The following LAMC2 variants were observed in gnomAD, a reference collection of about 807,000 sequenced individuals.
LAMC2 encodes laminin subunit gamma-2.
LAMC2 carries 97 observed loss-of-function variants against 140.2 expected under a neutral mutation model. That is an observed-to-expected ratio of 0.69 (90% CI 0.59 to 0.82). The LOEUF (loss-of-function observed/expected upper bound fraction) is 0.82. Among genes scored for constraint, LAMC2 ranks in the 40% least tolerant of loss-of-function variants. The pLI is 0.00. For synonymous variants in LAMC2, 513 were observed against 540.2 expected, an observed-to-expected ratio of 0.95 and a Z score of 0.70; for missense variants, 1,402 against 1,476.1, an observed-to-expected ratio of 0.95 and a Z score of 0.82.
chr1:183,219,337 A>G (rs73049769), intron 4 of LAMC2, among the ~76,000 whole-genome samples: 39,092 of 152,114 alleles, frequency 0.26, 5,808 homozygotes, highest in African/African-American at 0.39. Flanking sequence ...AGTGTTAAAA[A>G]GGAAGTCACT....
At position 183,232,232 on chromosome 1, in the gene LAMC2, T is replaced by G. The variant is rs746706900; in HGVS notation, c.1903T>G (p.Ser635Ala). The G allele has an allele frequency of 7.4e-6, 12 of 1,613,882 alleles. No individual in the cohort carries two copies. The highest frequency in any genetic ancestry group is 1.3e-5 in the African/African-American group (1 of 74,908). Residue 635 changes from serine (S) to alanine (A), a missense_variant, in exon 13 of 23, where the codon TCA becomes GCA. Physicochemically the swap from Ser to Ala is moderately conservative, Grantham distance 99. Coordinates refer to ENST00000264144, the MANE Select transcript of LAMC2 (RefSeq NM_005562.3). The stretch of plus-strand genomic sequence containing the variant: ...GCTTCAGAGAATGGAGGCCCTGATT[T>G]CAAAGGCTCAGGGTGGTGATGGAGT... Reference protein sequence around the residue: ...QQLQRMEALISKAQGGDGVVP... With the variant: ...QQLQRMEALIAKAQGGDGVVP...
intron 1 of LAMC2, among the ~76,000 whole-genome samples, chr1:183,191,733 C>T (rs1426601309): frequency 6.6e-6 from 1 of 152,056 alleles, no homozygotes; most frequent in Non-Finnish European, 1.5e-5. Context: ...GTGGCATGTG[C>T]CTATAATCCC....
intron 3 of LAMC2, among the ~76,000 whole-genome samples, chr1:183,218,103 G>T (rs1025067338): frequency 6.6e-6 from 1 of 152,206 alleles, no homozygotes; most frequent in African/African-American, 2.4e-5. Flanking sequence ...ACAGTTGAGT[G>T]ATGAACTTGG....
intron 1 of LAMC2, among the ~76,000 whole-genome samples, chr1:183,202,000 G>A (rs1037231119): frequency 6.6e-6 from 1 of 151,936 alleles, no homozygotes; most frequent in African/African-American, 2.4e-5. Flanking sequence ...TCACAACATG[G>A]AACTCCCTGA....
At chr1:183,258,726 T>C in the LAMC2 span, among the ~76,000 whole-genome samples, 1 of 152,126 alleles carries the variant, frequency 6.6e-6, no homozygotes, top group Non-Finnish European at 1.5e-5. Flanking sequence ...TTGTAGACCC[T>C]GCACTTGATG....
At position 183,239,756 on chromosome 1, in the gene LAMC2, G is replaced by A. The variant is rs1443908498; in HGVS notation, c.3069+193G>A. 1.1e-5 allele frequency: 7 copies of A among 647,202 alleles called. No individual in the cohort carries two copies. The Admixed American group carries it at 1.5e-4, about 13-fold the overall frequency. 40.1% of individuals were successfully genotyped at this position (647,202 alleles called of 1,614,324 possible). A position where few individuals can be genotyped will look rare whatever the true frequency, so the allele number is the denominator to read the frequency against. On this transcript the variant is annotated intron_variant, in intron 20 of 22. Coordinates refer to ENST00000264144, the MANE Select transcript of LAMC2 (RefSeq NM_005562.3). The stretch of plus-strand genomic sequence containing the variant: ...AATGATGTGTTTTTTTGTCCTCCGG[G>A]TTTTCCCAAATGGTTCCTAACTCTG...
At chr1:183,192,172 T>C (rs1189137501) in intron 1 of LAMC2, among the ~76,000 whole-genome samples, 1 of 152,214 alleles carries the variant, frequency 6.6e-6, no homozygotes, top group Non-Finnish European at 1.5e-5. Context: ...GTCTTTCCCT[T>C]CTGTTGTATC....
intron 10 of LAMC2, among the ~76,000 whole-genome samples, chr1:183,227,919 C>G (rs1371357425): frequency 1.3e-5 from 2 of 152,158 alleles, no homozygotes; most frequent in South Asian, 4.1e-4. Flanking sequence ...GAGAAAACAC[C>G]TAAAGCTGTT....
chr1:183,192,602 A>G (rs2102166648), intron 1 of LAMC2, among the ~76,000 whole-genome samples: 2 of 152,286 alleles, frequency 1.3e-5, no homozygotes, highest in Middle Eastern at 6.8e-3. Flanking sequence ...ATCCTTTTAT[A>G]GGTAGGAAAA....
intron 1 of LAMC2, 101 bp downstream of exon 1, chr1:183,186,532 T>C (rs1396324709): frequency 1.5e-6 from 2 of 1,366,180 alleles, no homozygotes; most frequent in Non-Finnish European, 2.0e-6. Flanking sequence ...ATTCCCACTT[T>C]GTCCAGAAAC....
intron 12 of LAMC2, 42 bp from the exon 13 acceptor site, chr1:183,232,145 A>C (rs1175739525): frequency 3.1e-6 from 5 of 1,611,392 alleles, no homozygotes; most frequent in African/African-American, 1.3e-5. Flanking sequence ...CCTTGGGTAC[A>C]TGGTCTCCAC....
chr1:183,226,734 C>T lies in LAMC2; in HGVS notation c.1103C>T (p.Ala368Val). ...GYIDNVTLIS[A>V]RPVSGAPAPW... ...ATTGACAATGTGACCCTGATTTCAG[C>T]CCGCCCTGTCTCTGGAGCCCCAGCA... The change falls in exon 9 of 23, where the codon GCC (alanine) becomes GTC (valine). Residue 368 changes from alanine to valine, a missense_variant. Coordinates refer to ENST00000264144, the MANE Select transcript of LAMC2 (RefSeq NM_005562.3). 1 of 1,614,242 alleles carries T rather than the reference C, an allele frequency of 6.2e-7. No homozygotes were observed.
chr1:183,230,555 C>T (rs1238144628), intron 11 of LAMC2, among the ~76,000 whole-genome samples: 4 of 152,218 alleles, frequency 2.6e-5, no homozygotes, highest in Non-Finnish European at 5.9e-5. Context: ...TGTAGCTTGC[C>T]ATTTACTTGC....
chr1:183,236,661 T>C, intron 17 of LAMC2, 57 bp downstream of exon 17: 2 of 1,585,352 alleles, frequency 1.3e-6, no homozygotes, highest in East Asian at 4.5e-5. Flanking sequence ...TACTTTCTTT[T>C]CTGGGGGTGC....
At position 183,228,357 on chromosome 1, in the gene LAMC2, C is replaced by G; in HGVS notation, c.1469-17C>G. 3 of 1,614,106 alleles carry G rather than the reference C, an allele frequency of 1.9e-6. No homozygotes were observed. The highest frequency in any genetic ancestry group is 2.5e-6 in the Non-Finnish European group (3 of 1,180,036). On this transcript the variant is annotated splice_polypyrimidine_tract_variant and intron_variant, in intron 10 of 22. Transcript: ENST00000264144. This position sits in a 1 kb window ranked among gnomAD's most constrained non-coding sequence, Gnocchi z 4.3. The stretch of plus-strand genomic sequence containing the variant: ...TGATGGATGTCGACCTAGGCTTGGT[C>G]ATTTGTTCCTTCCCAGGTGCCCGCT...
Position 183,218,396 on chromosome 1 carries a change from C to T in LAMC2, c.411C>T (p.Ser137=), listed in dbSNP as rs1659346276. The change falls in exon 4 of 23, where the codon TCC becomes TCT. Residue 137 remains serine (S), a synonymous_variant. Coordinates refer to ENST00000264144, the MANE Select transcript of LAMC2 (RefSeq NM_005562.3). ...GCTQDQRLLD[S]KCDCDPAGIA... ...TCTTTTTCTTCTTCCCCAGAGACTC[C>T]AAGTGTGACTGTGACCCAGCTGGCA... is the stretch of plus-strand genomic sequence containing the variant. 2 of 1,613,718 alleles carry T rather than the reference C, an allele frequency of 1.2e-6. No individual in the cohort carries two copies. Among genetic ancestry groups the T allele is most frequent in the African/African-American group, 2.7e-5 (2 of 74,922 alleles).
At chr1:183,204,214 C>T (rs1658810622) in intron 1 of LAMC2, among the ~76,000 whole-genome samples, 1 of 152,038 alleles carries the variant, frequency 6.6e-6, no homozygotes, top group South Asian at 2.1e-4. Flanking sequence ...TGGCTTGAGC[C>T]CGGGAGGTTG....
intron 2 of LAMC2, among the ~76,000 whole-genome samples, chr1:183,209,851 G>T (rs1659018980): frequency 6.6e-6 from 1 of 152,148 alleles, no homozygotes; most frequent in African/African-American, 2.4e-5. Flanking sequence ...GTTTCAGCAT[G>T]TAGTCTACTG....
At chr1:183,239,907 T>C in intron 20 of LAMC2, 133 bp from the exon 21 acceptor site, 3 of 974,288 alleles carry the variant, frequency 3.1e-6, no homozygotes, top group Non-Finnish European at 4.9e-6. Context: ...CTAAGTCTGA[T>C]TCTCTCATTA....
Sources: allele counts gnomAD v4.1 joint callset (sites outside exome capture counted in the v4.1 genomes callset), GRCh38; gene constraint gnomAD v4.1.1; non-coding constraint Gnocchi (gnomAD v3.1); transcripts MANE v1.5; gene names NCBI Gene and HGNC (gene_info 2026-07-23, HGNC 2026-07-21).